The following SESTD1 variants were observed in gnomAD, a reference collection of about 807,000 sequenced individuals.
SESTD1 encodes SEC14 and spectrin domain containing 1, also known as SEC14 domain and spectrin repeat-containing protein 1.
A neutral mutation model predicts 101.7 loss-of-function variants in SESTD1; 43 were observed. The ratio of observed to expected loss-of-function variants is 0.42; its 90% CI spans 0.33 to 0.55. The LOEUF (loss-of-function observed/expected upper bound fraction) is 0.55, where lower values mean the gene tolerates loss of function less well. Among genes scored for constraint, SESTD1 ranks in the 20% least tolerant of loss-of-function variants. The pLI is 0.07. For missense variants in SESTD1, 647 were observed against 815.1 expected (o/e 0.79, Z 2.51); for synonymous variants, 283 against 286.8 (o/e 0.99, Z 0.13).
At chr2:179,242,304 C>T (rs1252890122) in intron 1 of SESTD1, among the ~76,000 whole-genome samples, 1 of 152,134 alleles carries the variant, frequency 6.6e-6, no homozygotes, top group Non-Finnish European at 1.5e-5. Flanking sequence ...CAAAACACTA[C>T]TTAAACAAGT....
At chr2:179,186,325 C>T (rs2046232035) in intron 2 of SESTD1, among the ~76,000 whole-genome samples, 1 of 152,050 alleles carries the variant, frequency 6.6e-6, no homozygotes, top group Non-Finnish European at 1.5e-5. Context: ...CATACATGCT[C>T]CCACTCATAG....
intron 1 of SESTD1, among the ~76,000 whole-genome samples, chr2:179,249,390 G>T (rs2047281326): frequency 6.6e-6 from 1 of 151,792 alleles, no homozygotes; most frequent in Non-Finnish European, 1.5e-5. Context: ...TATGAACAAT[G>T]AAATTTAAAA....
At chr2:179,113,489 T>TTTAAA (rs775368269) in intron 16 of SESTD1, among the ~76,000 whole-genome samples, 2 of 152,182 alleles carry the variant, frequency 1.3e-5, no homozygotes, top group Non-Finnish European at 2.9e-5. Context: ...ACCATTACCA[T>TTTAAA]TTAAATTAAA....
At position 179,208,110 on chromosome 2, in the gene SESTD1, C is replaced by T. The variant is rs779734544; in HGVS notation, c.-25-16244G>A. On this transcript the variant is annotated intron_variant, in intron 1 of 17. Coordinates refer to ENST00000428443, the MANE Select transcript of SESTD1 (RefSeq NM_178123.5). ...GGAAAGTTCCAACAATAGAATTGAA[C>T]AAGTAGAAGAAAGGACTTCAGAGCT... Among the ~76,000 whole-genome samples, 6 of 133,966 alleles carry T rather than the reference C, an allele frequency of 4.5e-5. 2 individuals are homozygous for T. Among genetic ancestry groups the T allele is most frequent in the Non-Finnish European group, 9.6e-5 (6 of 62,604 alleles). 87.9% of individuals were successfully genotyped at this position (133,966 alleles called of 152,430 possible).
intron 16 of SESTD1, among the ~76,000 whole-genome samples, chr2:179,113,196 A>C (rs2044551175): frequency 6.6e-6 from 1 of 152,238 alleles, no homozygotes; most frequent in Admixed American, 6.5e-5. Flanking sequence ...ATTTATATTA[A>C]GTAACCATTT....
At chr2:179,129,576 T>C (rs2044961457) in intron 10 of SESTD1, among the ~76,000 whole-genome samples, 1 of 152,184 alleles carries the variant, frequency 6.6e-6, no homozygotes. Flanking sequence ...GACATAAAAT[T>C]TAATATATGA....
intron 1 of SESTD1, among the ~76,000 whole-genome samples, chr2:179,224,900 T>C (rs533168515): frequency 1.3e-5 from 2 of 152,280 alleles, no homozygotes; most frequent in Admixed American, 6.5e-5. Context: ...TTTTGTAATA[T>C]CCTCTGTAAT....
intron 1 of SESTD1, among the ~76,000 whole-genome samples, chr2:179,256,528 T>A (rs759216979): frequency 6.6e-6 from 1 of 152,108 alleles, no homozygotes; most frequent in African/African-American, 2.4e-5. Context: ...CTTTAACAGA[T>A]GGGGCCGGGC....
At chr2:179,197,108 A>G (rs1002512536) in intron 1 of SESTD1, among the ~76,000 whole-genome samples, 12 of 152,268 alleles carry the variant, frequency 7.9e-5, no homozygotes, top group Admixed American at 3.9e-4. Context: ...ACAGAGAAGT[A>G]CTTAAAGGAG....
chr2:179,163,687 T>G (rs1335938186), intron 5 of SESTD1, among the ~76,000 whole-genome samples: 1 of 152,014 alleles, frequency 6.6e-6, no homozygotes, highest in East Asian at 1.9e-4. Flanking sequence ...TACATAAATA[T>G]TACTTTTCCC....
chr2:179,263,650 GA>G (rs1047428162), intron 1 of SESTD1, among the ~76,000 whole-genome samples: 5 of 152,082 alleles, frequency 3.3e-5, no homozygotes, highest in African/African-American at 1.2e-4. Flanking sequence ...GTGTGTAAGA[GA>G]AAGATGTCAA....
chr2:179,259,583 C>T (rs895345068), intron 1 of SESTD1, among the ~76,000 whole-genome samples: 9 of 151,982 alleles, frequency 5.9e-5, no homozygotes, highest in African/African-American at 1.7e-4. Context: ...AGCACTTAGG[C>T]GACTCATCCA....
chr2:179,143,004 G>T (rs1345510412), intron 9 of SESTD1, among the ~76,000 whole-genome samples: 2 of 151,962 alleles, frequency 1.3e-5, no homozygotes, highest in Admixed American at 1.3e-4. Context: ...AATATTCGAA[G>T]ATTTATTTTC....
intron 1 of SESTD1, among the ~76,000 whole-genome samples, chr2:179,250,360 A>G (rs2047297926): frequency 6.6e-6 from 1 of 152,200 alleles, no homozygotes; most frequent in Admixed American, 6.5e-5. Flanking sequence ...CTAAAATAAA[A>G]ACAGTGAAGA....
At chr2:179,254,619 C>T (rs1392587387) in intron 1 of SESTD1, among the ~76,000 whole-genome samples, 2 of 152,340 alleles carry the variant, frequency 1.3e-5, no homozygotes, top group East Asian at 1.9e-4. Flanking sequence ...CCAGAAGCTG[C>T]GTCCAACTAA....
chr2:179,171,614 A>C (rs901321820), intron 5 of SESTD1, among the ~76,000 whole-genome samples: 1 of 152,186 alleles, frequency 6.6e-6, no homozygotes, highest in Non-Finnish European at 1.5e-5. Flanking sequence ...TTTACATTCC[A>C]TCATAGTGCT....
At chr2:179,217,731 A>G (rs2046745547) in intron 1 of SESTD1, among the ~76,000 whole-genome samples, 1 of 152,228 alleles carries the variant, frequency 6.6e-6, no homozygotes, top group South Asian at 2.1e-4. Flanking sequence ...GAACCAACCC[A>G]AATGTCCATC....
At position 179,107,814 on chromosome 2, in the gene SESTD1, A is replaced by G. The variant is rs1002568404; in HGVS notation, c.*2085T>C. 4 of 152,096 alleles carry G rather than the reference A, an allele frequency of 2.6e-5. No individual in the cohort carries two copies. Among genetic ancestry groups the G allele is most frequent in the Non-Finnish European group, 4.4e-5 (3 of 67,998 alleles). The allele number at this position is 152,096 out of a possible 1,614,324, so 9.4% of individuals were successfully genotyped here. On this transcript the variant is annotated 3_prime_UTR_variant, in exon 18 of 18. Transcript: ENST00000428443. The stretch of plus-strand genomic sequence containing the variant: ...AAAGAGCTTACTGGGTACAGACATA[A>G]ACAACTGTAGAATGTGATAGCACCA...
chr2:179,163,404 C>G (rs938578943), intron 5 of SESTD1, among the ~76,000 whole-genome samples: 1 of 152,044 alleles, frequency 6.6e-6, no homozygotes, highest in Non-Finnish European at 1.5e-5. Flanking sequence ...TTTATGCGTA[C>G]CATTAAATTT....
Sources: gnomAD v4.1 joint callset for allele counts (sites outside exome capture counted in the v4.1 genomes callset) on GRCh38, gnomAD v4.1.1 for gene constraint, MANE v1.5 for transcripts, NCBI Gene and HGNC (gene_info 2026-07-23, HGNC 2026-07-21) for gene names.